GRID2: variants seen among roughly 807,000 people sequenced by gnomAD.
GRID2 encodes glutamate receptor ionotropic, delta-2.
Under a neutral mutation model 114.8 loss-of-function variants are expected in GRID2, and 33 were observed. That is an observed-to-expected ratio of 0.29 (90% CI 0.22 to 0.38). The LOEUF (loss-of-function observed/expected upper bound fraction) is 0.38. Ranked by LOEUF, GRID2 falls within the 10% of genes least tolerant of loss-of-function variation. GRID2 has a pLI of 1.00. For missense variants in GRID2, 1,184 were observed against 1,257.7 expected (o/e 0.94, Z 0.89); for synonymous variants, 505 against 449.9 (o/e 1.12, Z -1.55).
At chr4:93,092,107 C>T (rs1177658185) in intron 3 of GRID2, among the ~76,000 whole-genome samples, 1 of 152,074 alleles carries the variant, frequency 6.6e-6, no homozygotes, top group Non-Finnish European at 1.5e-5. Context: ...AGCTGGACAT[C>T]TTTTGAAGTC....
chr4:93,593,279 G>C (rs1738611568), intron 13 of GRID2, among the ~76,000 whole-genome samples: 1 of 145,218 alleles, frequency 6.9e-6, no homozygotes, highest in Non-Finnish European at 1.5e-5. Flanking sequence ...GCATTTGCTT[G>C]TCTGTAAAGT....
intron 1 of GRID2, among the ~76,000 whole-genome samples, chr4:92,427,177 A>T (rs1280492119): frequency 2.0e-5 from 3 of 152,180 alleles, no homozygotes; most frequent in African/African-American, 7.2e-5. Context: ...AATAATACAT[A>T]CATTTTCATT....
At chr4:92,369,892 G>T (rs541309096) in intron 1 of GRID2, among the ~76,000 whole-genome samples, 6 of 152,042 alleles carry the variant, frequency 3.9e-5, no homozygotes, top group Admixed American at 2.6e-4. Flanking sequence ...TTGTTCATAG[G>T]TTCTTTTTAG....
At chr4:92,858,106 A>G (rs150785227) in intron 2 of GRID2, among the ~76,000 whole-genome samples, 18 of 152,354 alleles carry the variant, frequency 1.2e-4, no homozygotes, top group African/African-American at 1.4e-4. Flanking sequence ...CTAATTGCCA[A>G]TGCAACCTGG....
intron 12 of GRID2, among the ~76,000 whole-genome samples, chr4:93,511,517 G>A (rs940534332): frequency 1.3e-5 from 2 of 152,148 alleles, no homozygotes; most frequent in Non-Finnish European, 2.9e-5. Context: ...AGGCTGATTA[G>A]AGCAGCAAAG....
chr4:92,725,130 G>A lies in GRID2; in HGVS notation c.244+134844G>A, dbSNP rs78621289. Among the ~76,000 whole-genome samples the A allele has an allele frequency of 2.8e-3, 429 of 152,104 alleles. 10 individuals carry two copies. In the East Asian group the frequency reaches 0.042, roughly 15 times the overall value. On this transcript the variant is annotated intron_variant, in intron 2 of 15. Transcript: ENST00000282020. ...ACTCTGGGCAACATGGCGAAACCCC[G>A]TCTCTACCAAAAATATGAAAATTAG...
At chr4:92,535,962 A>G (rs983904306) in intron 1 of GRID2, among the ~76,000 whole-genome samples, 1 of 152,112 alleles carries the variant, frequency 6.6e-6, no homozygotes, top group Non-Finnish European at 1.5e-5. Context: ...TTCAGGAGAG[A>G]TGGTGCAGAC....
In GRID2 at chr4:93,774,061, T is replaced by C. The variant is rs905649414; in HGVS notation, c.*1563T>C. The C allele has an allele frequency of 6.6e-6, 1 of 152,146 alleles. No individual in the cohort carries two copies. Among genetic ancestry groups the C allele is most frequent in the African/African-American group, 2.4e-5 (1 of 41,474 alleles). 9.4% of individuals were successfully genotyped at this position (152,146 alleles called of 1,614,324 possible). ...TAACTCATTCTGTGGCTAGGATTGA[T>C]ATAGGAATCAACCTATGTGATTTGC... On this transcript the variant is annotated 3_prime_UTR_variant, in exon 16 of 16. Coordinates refer to ENST00000282020, the MANE Select transcript of GRID2 (RefSeq NM_001510.4).
At chr4:92,784,035 A>G (rs976161416) in intron 2 of GRID2, among the ~76,000 whole-genome samples, 5 of 152,004 alleles carry the variant, frequency 3.3e-5, no homozygotes, top group African/African-American at 1.2e-4. Context: ...TAACAAACTT[A>G]TCTGAATTTT....
At chr4:92,679,947 G>T (rs1733565660) in intron 2 of GRID2, among the ~76,000 whole-genome samples, 1 of 151,824 alleles carries the variant, frequency 6.6e-6, no homozygotes, top group Non-Finnish European at 1.5e-5. Flanking sequence ...AGAAGCAGAT[G>T]TATGTTGCAG....
At chr4:92,557,514 A>C (rs1461961819) in intron 1 of GRID2, among the ~76,000 whole-genome samples, 2 of 151,076 alleles carry the variant, frequency 1.3e-5, no homozygotes, top group African/African-American at 4.8e-5. Context: ...AAATGGAAAT[A>C]AATTGCAACC....
intron 2 of GRID2, among the ~76,000 whole-genome samples, chr4:92,765,285 T>TA (rs1287531332): frequency 2.6e-5 from 4 of 152,340 alleles, no homozygotes; most frequent in African/African-American, 9.6e-5. Flanking sequence ...CACATGGAAC[T>TA]AATTTCAGAG....
chr4:93,409,017 T>C (rs1045414494), intron 9 of GRID2, among the ~76,000 whole-genome samples: 1 of 152,138 alleles, frequency 6.6e-6, no homozygotes, highest in African/African-American at 2.4e-5. Flanking sequence ...ACAAAGGGTA[T>C]AGAGTAGGGG....
At chr4:93,685,448 T>C (rs1725989783) in intron 14 of GRID2, among the ~76,000 whole-genome samples, 1 of 152,046 alleles carries the variant, frequency 6.6e-6, no homozygotes, top group Non-Finnish European at 1.5e-5. Context: ...TTCCCCAAAG[T>C]AGATCTCCTC....
chr4:92,569,001 G>C (rs1485615532), intron 1 of GRID2, among the ~76,000 whole-genome samples: 3 of 151,914 alleles, frequency 2.0e-5, no homozygotes, highest in Non-Finnish European at 2.9e-5. Flanking sequence ...GGGTACATGT[G>C]CAAGACATGC....
intron 1 of GRID2, among the ~76,000 whole-genome samples, chr4:92,313,450 T>G (rs1055405925): frequency 1.3e-5 from 2 of 151,200 alleles, no homozygotes; most frequent in Non-Finnish European, 3.0e-5. Flanking sequence ...AAATACCACC[T>G]GTACCCCAAT....
At chr4:93,568,124 G>T (rs1735607215) in intron 13 of GRID2, among the ~76,000 whole-genome samples, 1 of 152,156 alleles carries the variant, frequency 6.6e-6, no homozygotes, top group Admixed American at 6.6e-5. Context: ...TCCAGGTTCT[G>T]TTTCCTCACC....
At chr4:92,966,573 T>C (rs946956262) in intron 2 of GRID2, among the ~76,000 whole-genome samples, 12 of 151,826 alleles carry the variant, frequency 7.9e-5, no homozygotes, top group Non-Finnish European at 1.3e-4. Context: ...ATGGGTGCAG[T>C]TTCCCCTATA....
chr4:92,757,679 C>T (rs1737793836), intron 2 of GRID2, among the ~76,000 whole-genome samples: 1 of 151,880 alleles, frequency 6.6e-6, no homozygotes, highest in Non-Finnish European at 1.5e-5. Context: ...TCAAGAGCCA[C>T]TAACATACAG....
Sources: allele counts gnomAD v4.1 joint callset (sites outside exome capture counted in the v4.1 genomes callset), GRCh38; gene constraint gnomAD v4.1.1; transcripts MANE v1.5; gene names NCBI Gene and HGNC (gene_info 2026-07-23, HGNC 2026-07-21).